Variants in SCAF8 observed in about 807,000 individuals in gnomAD.
SCAF8 encodes SR-related and CTD-associated factor 8.
SCAF8 carries 23 observed loss-of-function variants against 140.5 expected under a neutral mutation model. That is an observed-to-expected ratio of 0.16 (90% confidence interval 0.12 to 0.23). The LOEUF is 0.23. SCAF8 is among the 10% of genes least tolerant of loss of function. The pLI is 1.00. For synonymous variants in SCAF8, 575 were observed against 528.9 expected (o/e 1.09, Z -1.20); for missense variants, 1,397 against 1,555.7 (o/e 0.90, Z 1.72).
At chr6:154,807,396 GT>G (rs1397136398) in intron 9 of SCAF8, among the ~76,000 whole-genome samples, 7 of 152,320 alleles carry the variant, frequency 4.6e-5, no homozygotes, top group South Asian at 2.1e-4. Context: ...AACTAGAACT[GT>G]TTTTATAAGG....
intron 11 of SCAF8, among the ~76,000 whole-genome samples, chr6:154,809,766 G>C (rs1778034390): frequency 6.6e-6 from 1 of 152,088 alleles, no homozygotes; most frequent in African/African-American, 2.4e-5. Flanking sequence ...GCCCTTTCTA[G>C]AATCTTTTTC....
chr6:154,744,082 C>G (rs1176585422), intron 1 of SCAF8, among the ~76,000 whole-genome samples: 1 of 152,162 alleles, frequency 6.6e-6, no homozygotes, highest in East Asian at 1.9e-4. Flanking sequence ...ATCACGAGGT[C>G]AGGAGTTTGA....
At chr6:154,748,384 G>C (rs986132317) in intron 1 of SCAF8, among the ~76,000 whole-genome samples, 1 of 152,126 alleles carries the variant, frequency 6.6e-6, no homozygotes, top group African/African-American at 2.4e-5. Flanking sequence ...TCTTAAAATA[G>C]GGACAAAGTT....
intron 3 of SCAF8, among the ~76,000 whole-genome samples, chr6:154,785,729 T>C (rs1777232550): frequency 6.6e-6 from 1 of 152,210 alleles, no homozygotes; most frequent in African/African-American, 2.4e-5. Flanking sequence ...CCAACTTACC[T>C]AGAAGGTTCT....
intron 1 of SCAF8, among the ~76,000 whole-genome samples, chr6:154,748,114 T>C (rs1023080819): frequency 6.6e-6 from 1 of 152,210 alleles, no homozygotes; most frequent in South Asian, 2.1e-4. Context: ...TTTTGTGAAG[T>C]GTAATATTTA....
intron 1 of SCAF8, among the ~76,000 whole-genome samples, chr6:154,734,463 G>C (rs1273069963): frequency 4.6e-5 from 7 of 152,204 alleles, no homozygotes. Context: ...TTGCCAGCTA[G>C]GGACTTGAGC....
chr6:154,818,175 G>C (rs1778309106), intron 13 of SCAF8, among the ~76,000 whole-genome samples: 1 of 151,988 alleles, frequency 6.6e-6, no homozygotes, highest in Admixed American at 6.6e-5. Flanking sequence ...ATTTTGTTTT[G>C]TTTTTAATAG....
chr6:154,770,915 T>G (rs1017870879), intron 1 of SCAF8, among the ~76,000 whole-genome samples: 2 of 152,132 alleles, frequency 1.3e-5, no homozygotes, highest in Non-Finnish European at 2.9e-5. Context: ...TGGGTAATTT[T>G]TGCACTTTTA....
At chr6:154,770,569 G>C (rs748341822) in intron 1 of SCAF8, among the ~76,000 whole-genome samples, 1 of 151,674 alleles carries the variant, frequency 6.6e-6, no homozygotes, top group Non-Finnish European at 1.5e-5. Context: ...GCAAGACCCT[G>C]TCTGAAGAAG....
intron 1 of SCAF8, among the ~76,000 whole-genome samples, chr6:154,773,219 C>A (rs538490098): frequency 5.3e-5 from 8 of 152,288 alleles, no homozygotes; most frequent in South Asian, 2.1e-4. Context: ...AGCAATGATT[C>A]CTCATTTATC....
At chr6:154,814,214 A>T (rs1419668483) in intron 12 of SCAF8, among the ~76,000 whole-genome samples, 1 of 152,150 alleles carries the variant, frequency 6.6e-6, no homozygotes, top group Admixed American at 6.5e-5. Context: ...AGTCCCAGTT[A>T]CTCGCGAGGC....
chr6:154,792,011 A>G (rs1777434899), intron 4 of SCAF8, among the ~76,000 whole-genome samples: 1 of 151,678 alleles, frequency 6.6e-6, no homozygotes, highest in Admixed American at 6.6e-5. Context: ...ATTTTTTATT[A>G]TTTTTTTTAA....
chr6:154,815,222 G>T (rs888069508), intron 12 of SCAF8, among the ~76,000 whole-genome samples: 46 of 152,294 alleles, frequency 3.0e-4, no homozygotes, highest in African/African-American at 9.1e-4. Flanking sequence ...GCATGAACCT[G>T]GGAGGCGGAG....
At chr6:154,807,840 A>T (rs922782535) in intron 9 of SCAF8, among the ~76,000 whole-genome samples, 1 of 152,164 alleles carries the variant, frequency 6.6e-6, no homozygotes, top group African/African-American at 2.4e-5. Context: ...TACCATTTTA[A>T]TATTTTAGTC....
intron 1 of SCAF8, among the ~76,000 whole-genome samples, chr6:154,734,616 A>T (rs1321266858): frequency 6.6e-6 from 1 of 152,158 alleles, no homozygotes; most frequent in South Asian, 2.1e-4. Context: ...TGGGGGAAAC[A>T]TTTCTCGCTG....
At chr6:154,773,309 G>A (rs1330465394) in intron 1 of SCAF8, among the ~76,000 whole-genome samples, 2 of 152,140 alleles carry the variant, frequency 1.3e-5, no homozygotes, top group Non-Finnish European at 2.9e-5. Context: ...TATATAATAT[G>A]CTGCCTTTTT....
At chr6:154,740,376 T>C (rs1273821307) in intron 1 of SCAF8, among the ~76,000 whole-genome samples, 1 of 152,130 alleles carries the variant, frequency 6.6e-6, no homozygotes, top group South Asian at 2.1e-4. Flanking sequence ...AAATGTTTCT[T>C]TGGGGGCACA....
rs58470166 is a variant in SCAF8, at chr6:154,735,120, T to C, written c.30+1190T>C. ...AGCCCAGTGACAGAGTGAGACTCTG[T>C]CTACAAAAAAAAAAAAAAGAAAAAG... On this transcript the variant is annotated intron_variant, in intron 1 of 19. Coordinates refer to ENST00000367178, the MANE Select transcript of SCAF8 (RefSeq NM_014892.5). Among the ~76,000 whole-genome samples, 1,096 of 146,818 alleles carry C rather than the reference T, an allele frequency of 7.5e-3. 12 individuals carry two copies. Among genetic ancestry groups the C allele is most frequent in the African/African-American group, 0.026 (1,029 of 39,170 alleles).
intron 1 of SCAF8, among the ~76,000 whole-genome samples, chr6:154,773,157 C>T (rs570115398): frequency 3.9e-5 from 6 of 152,302 alleles, no homozygotes; most frequent in East Asian, 1.9e-4. Flanking sequence ...ACCATCATCA[C>T]GTTCCATTTT....
Sources: allele counts gnomAD v4.1 joint callset (sites outside exome capture counted in the v4.1 genomes callset), GRCh38; gene constraint gnomAD v4.1.1; transcripts MANE v1.5; gene names NCBI Gene and HGNC (gene_info 2026-07-23, HGNC 2026-07-21).